Variants in KIAA1755 observed in about 807,000 individuals in gnomAD.
KIAA1755 encodes the protein uncharacterized protein KIAA1755.
In KIAA1755, 68 loss-of-function variants were observed where a neutral mutation model predicts 91.7. The observed-to-expected ratio is 0.74, with a 90% CI of 0.61 to 0.91. The LOEUF is 0.91. KIAA1755 is among the 40% of genes least tolerant of loss of function. The pLI is 0.00. For missense variants in KIAA1755, 1,535 were observed against 1,494.4 expected, an observed-to-expected ratio of 1.03 and a Z score of -0.45; for synonymous variants, 610 against 604.6, an observed-to-expected ratio of 1.01 and a Z score of -0.13.
At chr20:38,238,903 G>T (rs1468358979) in intron 4 of KIAA1755, among the ~76,000 whole-genome samples, 2 of 152,162 alleles carry the variant, frequency 1.3e-5, no homozygotes, top group Non-Finnish European at 2.9e-5. Context: ...GTTGTCAGTG[G>T]CTCACAGATG....
At chr20:38,223,137 A>G (rs2075691754) in intron 9 of KIAA1755, 1 of 198,388 alleles carries the variant, frequency 5.0e-6, no homozygotes, top group Admixed American at 5.9e-5. Flanking sequence ...CCTGGAGCAC[A>G]GCCCCCCACA....
intron 13 of KIAA1755, among the ~76,000 whole-genome samples, chr20:38,216,504 C>T (rs1175918880): frequency 6.6e-6 from 1 of 152,222 alleles, no homozygotes; most frequent in Non-Finnish European, 1.5e-5. Flanking sequence ...CAAGGGGCAG[C>T]CAAGGGCACT....
intron 3 of KIAA1755, 102 bp from the exon 4 acceptor site, chr20:38,239,827 A>G: frequency 4.7e-6 from 5 of 1,052,720 alleles, no homozygotes; most frequent in Non-Finnish European, 7.1e-6. Flanking sequence ...ATAGCTTACA[A>G]CTATTGATCT....
intron 13 of KIAA1755, among the ~76,000 whole-genome samples, chr20:38,214,966 C>T (rs1259894774): frequency 6.6e-6 from 1 of 152,222 alleles, no homozygotes; most frequent in Admixed American, 6.5e-5. Context: ...CGTGCAAGCA[C>T]ACGGAGCTCA....
chr20:38,234,185 C>T (rs2075916926), intron 4 of KIAA1755, among the ~76,000 whole-genome samples: 1 of 152,212 alleles, frequency 6.6e-6, no homozygotes, highest in Admixed American at 6.5e-5. Context: ...TACTAAGTCT[C>T]CCCTTGCCAC....
At chr20:38,260,191 A>C in intron 1 of KIAA1755, 1 of 1,422,468 alleles carries the variant, frequency 7.0e-7, no homozygotes, top group Non-Finnish European at 9.3e-7. Context: ...ACCCCGTTTC[A>C]GCCCTCAGCC....
In KIAA1755 at chr20:38,210,791, A is replaced by C. The variant is rs1397445585; in HGVS notation, c.*2251T>G. 6.6e-6 allele frequency: 1 copy of C among 152,148 alleles called. No individual in the cohort carries two copies. The highest frequency in any genetic ancestry group is 6.5e-5 in the Admixed American group (1 of 15,276). The allele number at this position is 152,148 out of a possible 1,614,324, so 9.4% of individuals were successfully genotyped here. A position where few individuals can be genotyped will look rare whatever the true frequency, so the allele number is the denominator to read the frequency against. Reference sequence around the variant, plus strand: ...CTGTGGCTCCCTGCCTGTGGTACCCACTGGCTGGATGCTGTTGCTATGGCA... The same window carrying C: ...CTGTGGCTCCCTGCCTGTGGTACCCCCTGGCTGGATGCTGTTGCTATGGCA... On this transcript the variant is annotated 3_prime_UTR_variant, in exon 14 of 14. Coordinates refer to ENST00000279024, the MANE Select transcript of KIAA1755 (RefSeq NM_001029864.2).
In KIAA1755 at chr20:38,246,115, G is replaced by A; in HGVS notation, c.15C>T (p.Ser5=). 1.2e-6 allele frequency: 2 copies of A among 1,613,186 alleles called. No individual in the cohort carries two copies. The highest frequency in any genetic ancestry group is 1.7e-6 in the Non-Finnish European group (2 of 1,179,812). ...GGGCATGCTGGATGGCTGTGTCGAG[G>A]GATGGAGGGTCCTGTGGGGGACAGG... MDPP[S]LDTAIQHALA... The change falls in exon 2 of 14, where the codon TCC becomes TCT. Residue 5 remains serine (S), a synonymous_variant. Transcript: ENST00000279024.
Position 38,210,617 on chromosome 20 carries a change from C to G in KIAA1755, c.*2425G>C, listed in dbSNP as rs989350916. On this transcript the variant is annotated 3_prime_UTR_variant, in exon 14 of 14. Coordinates refer to ENST00000279024, the MANE Select transcript of KIAA1755 (RefSeq NM_001029864.2). ...GGGGAGAGATTGTTGGGGTACAGTT[C>G]TTTCTGGGGACAGAGGGATGCACAA... 1.3e-5 allele frequency: 2 copies of G among 152,192 alleles called. No individual in the cohort carries two copies. Among genetic ancestry groups the G allele is most frequent in the African/African-American group, 4.8e-5 (2 of 41,442 alleles). The allele number at this position is 152,192 out of a possible 1,614,324, so 9.4% of individuals were successfully genotyped here.
At chr20:38,213,863 A>G in intron 13 of KIAA1755, 120 bp from the exon 14 acceptor site, 2 of 647,394 alleles carry the variant, frequency 3.1e-6, no homozygotes, top group Non-Finnish European at 4.9e-6. Flanking sequence ...TTCTCCACTG[A>G]CCATGATGAC....
intron 3 of KIAA1755, among the ~76,000 whole-genome samples, 175 bp downstream of exon 3, chr20:38,240,407 T>C (rs184941015): frequency 3.9e-5 from 6 of 152,324 alleles, no homozygotes; most frequent in Non-Finnish European, 4.4e-5. Flanking sequence ...TCACAGTGCC[T>C]TGCTCAATTC....
intron 4 of KIAA1755, among the ~76,000 whole-genome samples, chr20:38,239,251 T>C (rs1568759439): frequency 1.3e-5 from 2 of 152,378 alleles, no homozygotes; most frequent in East Asian, 3.9e-4. Context: ...CAGGCTCTGC[T>C]TCTGGGGAAC....
chr20:38,241,335 C>A lies in KIAA1755; in HGVS notation c.796G>T (p.Val266Leu). 1 of 1,614,194 alleles carries A rather than the reference C, an allele frequency of 6.2e-7. No individual in the cohort carries two copies. Among genetic ancestry groups the A allele is most frequent in the Non-Finnish European group, 8.5e-7 (1 of 1,180,030 alleles). Residue 266 changes from valine to leucine, a missense_variant, in exon 3 of 14, where the codon GTG (valine) becomes TTG (leucine). Coordinates refer to ENST00000279024, the MANE Select transcript of KIAA1755 (RefSeq NM_001029864.2). ...TCTCCCTCGAAGTCCTGGCTGACCA[C>A]CTCGTCCATCCTGAAAGCCACCTCC... The part of the protein sequence containing the change: ...CGEVAFRMDE[V>L]VSQDFEGDYV...
At chr20:38,222,355 CA>C in intron 10 of KIAA1755, 93 bp downstream of exon 10, 2 of 1,378,516 alleles carry the variant, frequency 1.5e-6, no homozygotes, top group Non-Finnish European at 2.0e-6. Context: ...CCTCGGGGCT[CA>C]GCTATGTGTG....
Position 38,239,569 on chromosome 20 carries a change from A to G in KIAA1755, c.1706T>C (p.Leu569Pro), listed in dbSNP as rs2076016359. The G allele has an allele frequency of 2.5e-6, 4 of 1,613,436 alleles. No individual in the cohort carries two copies. In the East Asian group the frequency reaches 6.7e-5, roughly 27 times the overall value. Residue 569 changes from leucine (L) to proline (P), a missense_variant, in exon 4 of 14, where the codon CTA becomes CCA. Leu to Pro is a moderately conservative substitution (Grantham distance 98). Coordinates refer to ENST00000279024, the MANE Select transcript of KIAA1755 (RefSeq NM_001029864.2). ...PPGPEPRIGA[L>P]GVKVFRSRIA... ...CCTGGAGCGGAAAACCTTGACACCT[A>G]GAGCCCCAATCCTGGGCTCAGGCCC...
rs112195116 is a variant in KIAA1755, at chr20:38,213,983, G to A, written c.2902-240C>T. Among the ~76,000 whole-genome samples the A allele has an allele frequency of 1.2e-3, 176 of 146,312 alleles. 2 individuals are homozygous for A. The highest frequency in any genetic ancestry group is 4.1e-3 in the African/African-American group (162 of 39,474). ...TTTTTTTTTTTTGAGATGGAGTCTC[G>A]CTCCATCACCCAGGCTAGAGTGCAG... is the stretch of plus-strand genomic sequence containing the variant. On this transcript the variant is annotated intron_variant, in intron 13 of 13. Transcript: ENST00000279024.
At chr20:38,217,082 G>A in intron 13 of KIAA1755, 171 bp downstream of exon 13, 1 of 642,950 alleles carries the variant, frequency 1.6e-6, no homozygotes, top group East Asian at 2.7e-5. Context: ...GCCAGGGGAT[G>A]GGGGTGGTGT....
chr20:38,228,271 G>A, intron 5 of KIAA1755, 31 bp from the exon 6 acceptor site: 1 of 1,551,812 alleles, frequency 6.4e-7, no homozygotes, highest in Non-Finnish European at 8.7e-7. Flanking sequence ...TGACAGTCTT[G>A]CTGGATGGCC....
At chr20:38,238,394 T>G (rs1253616167) in intron 4 of KIAA1755, among the ~76,000 whole-genome samples, 1 of 152,208 alleles carries the variant, frequency 6.6e-6, no homozygotes, top group Admixed American at 6.5e-5. Flanking sequence ...GGACAATCAG[T>G]CTCCAGAAAG....
Sources: allele counts gnomAD v4.1 joint callset (sites outside exome capture counted in the v4.1 genomes callset), GRCh38; gene constraint gnomAD v4.1.1; transcripts MANE v1.5; gene names NCBI Gene and HGNC (gene_info 2026-07-23, HGNC 2026-07-21).